EVL: variants seen among roughly 807,000 people sequenced by gnomAD.
The protein encoded by EVL is Enah/Vasp-like.
Under a neutral mutation model 59.6 loss-of-function variants are expected in EVL, and 21 were observed. The observed-to-expected ratio is 0.35, with a 90% CI of 0.25 to 0.51. The LOEUF (loss-of-function observed/expected upper bound fraction) is 0.51. Ranked by LOEUF, EVL falls within the 20% of genes least tolerant of loss-of-function variation. EVL has a pLI of 0.97. For missense variants in EVL, 462 were observed against 546.6 expected (o/e 0.85, Z 1.54); for synonymous variants, 198 against 203.5 (o/e 0.97, Z 0.23).
intron 1 of EVL, among the ~76,000 whole-genome samples, chr14:100,078,081 C>G (rs1695929196): frequency 1.3e-5 from 2 of 152,174 alleles, no homozygotes; most frequent in Admixed American, 6.5e-5. Flanking sequence ...GCCATGCATA[C>G]AATTTTGAGG....
Position 100,028,130 on chromosome 14 carries a change from G to GT in EVL, c.5+56076dup, listed in dbSNP as rs756735010. Among the ~76,000 whole-genome samples, 868 of 99,408 alleles carry GT rather than the reference G, an allele frequency of 8.7e-3. 5 individuals carry two copies. The highest frequency in any genetic ancestry group is 0.012 in the Non-Finnish European group (598 of 49,740). 65.2% of individuals were successfully genotyped at this position (99,408 alleles called of 152,430 possible). On this transcript the variant is annotated intron_variant, in intron 1 of 13. Transcript: ENST00000402714. ...TCTACTTTTAGTTGTTTTTTTGTTT[G>GT]TTTGTTTTTTTTTTTTTTTTTGAGG...
Position 100,097,570 on chromosome 14 carries a change from C to T in EVL, c.270C>T (p.Tyr90=), listed in dbSNP as rs779902786. The T allele has an allele frequency of 3.2e-5, 51 of 1,614,086 alleles. No homozygotes were observed. Among genetic ancestry groups the T allele is most frequent in the South Asian group, 6.6e-5 (6 of 91,084 alleles). Residue 90 remains tyrosine, a synonymous_variant, in exon 3 of 14, where the codon TAC becomes TAT. Transcript: ENST00000392920. The part of the protein sequence containing the change: ...FHQWRDARQV[Y]GLNFASKEEA... ...AGTGGCGAGATGCCCGCCAGGTCTA[C>T]GGCTTAAACTTTGCAAGTAAAGAAG...
rs955957807 is a variant in EVL, at chr14:100,058,654, A to T, written c.6-26033A>T. On this transcript the variant is annotated intron_variant, in intron 1 of 13. Transcript: ENST00000402714. ...GCAGTACATGGTTATTTATAAGATC[A>T]TTTTTTTTTTCATCGGACCTGGAGA... Among the ~76,000 whole-genome samples the T allele has an allele frequency of 2.0e-5, 3 of 149,894 alleles. No individual in the cohort carries two copies. In the South Asian group the frequency reaches 6.3e-4, roughly 32 times the overall value.
At chr14:100,061,538 A>G (rs1225898632), upstream of EVL, among the ~76,000 whole-genome samples, 1 of 151,212 alleles carries the variant, frequency 6.6e-6, no homozygotes, top group African/African-American at 2.4e-5. Context: ...AAAGAGAAAT[A>G]TATGAGTAAA....
At position 100,130,164 on chromosome 14, in the gene EVL, C is replaced by T. The variant is rs985155106; in HGVS notation, c.839+480C>T. Among the ~76,000 whole-genome samples the T allele has an allele frequency of 5.9e-5, 9 of 152,166 alleles. No homozygotes were observed. The highest frequency in any genetic ancestry group is 1.9e-4 in the African/African-American group (8 of 41,450). Reference sequence around the variant, plus strand: ...AAGGGTAGGAGCCCAGAGGGCATTGCCCTGAGCGACGGAGAGAGAGTAGTT... The same window carrying T: ...AAGGGTAGGAGCCCAGAGGGCATTGTCCTGAGCGACGGAGAGAGAGTAGTT... On this transcript the variant is annotated intron_variant, in intron 7 of 13. Transcript: ENST00000392920. This position sits in a 1 kb window ranked among gnomAD's most constrained non-coding sequence, Gnocchi z 4.8.
In EVL at chr14:100,143,683, C is replaced by A; in HGVS notation, c.1220-18C>A. 1 of 1,611,436 alleles carries A rather than the reference C, an allele frequency of 6.2e-7. No homozygotes were observed. Among genetic ancestry groups the A allele is most frequent in the Non-Finnish European group, 8.5e-7 (1 of 1,179,846 alleles). On this transcript the variant is annotated intron_variant, in intron 13 of 13. Transcript: ENST00000392920. ...ACTGGTCATGGCTGCACCTGAGCCG[C>A]CGCCACCTGTCCCGCAGCCATCAGG...
chr14:100,097,811 A>G, intron 3 of EVL, 153 bp downstream of exon 3: 1 of 609,186 alleles, frequency 1.6e-6, no homozygotes, highest in East Asian at 2.9e-5. Flanking sequence ...CTGCCTTTAG[A>G]TTTAGAGATA....
chr14:99,991,390 C>A (rs753928548), intron 1 of EVL, among the ~76,000 whole-genome samples: 6 of 152,156 alleles, frequency 3.9e-5, no homozygotes, highest in Admixed American at 1.3e-4. Context: ...GGAGTTATTT[C>A]TAAACAAAGT....
chr14:100,132,854 A>G, intron 8 of EVL, 75 bp downstream of exon 8: 1 of 1,545,070 alleles, frequency 6.5e-7, no homozygotes, highest in Non-Finnish European at 8.9e-7. Flanking sequence ...CTCTGGTCTC[A>G]GGCGAGGCCT....
chr14:100,001,481 T>C (rs1003156296), intron 1 of EVL, among the ~76,000 whole-genome samples: 1 of 152,240 alleles, frequency 6.6e-6, no homozygotes, highest in Non-Finnish European at 1.5e-5. Flanking sequence ...ATGGTAGGAC[T>C]GATTTGCTTT....
chr14:100,113,559 G>A (rs112286778), intron 3 of EVL, among the ~76,000 whole-genome samples: 2,780 of 152,228 alleles, frequency 0.018, 85 homozygotes, highest in African/African-American at 0.064. Flanking sequence ...CTCATCGTGT[G>A]GGGGAAGGAT....
intron 2 of EVL, among the ~76,000 whole-genome samples, chr14:100,088,481 C>T (rs779331484): frequency 6.6e-6 from 1 of 152,148 alleles, no homozygotes; most frequent in Non-Finnish European, 1.5e-5. Context: ...CAGCCTACTA[C>T]ACACCTAGGC....
rs1566702802 is a variant in EVL, at chr14:100,109,453, CGAGGGCAGG to C, written c.358+11796_358+11804del. ...TTGTTTGTCTAGACTGTGAGCTCCTCGAGGGCAGGTGTCTGTTTCTGTGTCTCGGGAGCC... is the reference window on the plus strand; with the variant it reads ...TTGTTTGTCTAGACTGTGAGCTCCTCTGTCTGTTTCTGTGTCTCGGGAGCC... On this transcript the variant is annotated intron_variant, in intron 3 of 13. Transcript: ENST00000392920. This position sits in a 1 kb window ranked among gnomAD's most constrained non-coding sequence, Gnocchi z 4.3. 2.5e-6 allele frequency: 1 copy of C among 396,916 alleles called. No homozygotes were observed. Among genetic ancestry groups the C allele is most frequent in the East Asian group, 7.2e-5 (1 of 13,880 alleles). The allele number at this position is 396,916 out of a possible 1,614,324, so 24.6% of individuals were successfully genotyped here. A position where few individuals can be genotyped will look rare whatever the true frequency, so the allele number is the denominator to read the frequency against.
intron 2 of EVL, chr14:100,097,151 C>T (rs962477166): frequency 2.9e-5 from 6 of 204,678 alleles, no homozygotes; most frequent in Non-Finnish European, 5.9e-5. Context: ...AGAAACTGAG[C>T]CCCAGCAAAG....
At chr14:100,105,847 A>G (rs754070335) in intron 3 of EVL, among the ~76,000 whole-genome samples, 4 of 152,040 alleles carry the variant, frequency 2.6e-5, no homozygotes, top group East Asian at 1.9e-4. Context: ...CCACATCCCA[A>G]CTGAATAGGG....
At chr14:100,126,663 C>T in intron 4 of EVL, 44 bp from the exon 5 acceptor site, 1 of 1,609,128 alleles carries the variant, frequency 6.2e-7, no homozygotes, top group Non-Finnish European at 8.5e-7. Context: ...GTGGTGGTCT[C>T]CAGAGTGGAG....
At chr14:99,996,080 C>A (rs530467962) in intron 1 of EVL, among the ~76,000 whole-genome samples, 2 of 152,288 alleles carry the variant, frequency 1.3e-5, no homozygotes, top group East Asian at 3.9e-4. Flanking sequence ...CCCCCTCCCC[C>A]ACCACCCCAT....
chr14:100,122,050 A>G (rs1887731630), intron 3 of EVL, among the ~76,000 whole-genome samples: 2 of 152,344 alleles, frequency 1.3e-5, no homozygotes, highest in Middle Eastern at 3.4e-3. Context: ...GCCTGTGCCA[A>G]GCTCACAGCA....
intron 1 of EVL, among the ~76,000 whole-genome samples, chr14:100,027,250 G>A (rs903662053): frequency 1.3e-5 from 2 of 152,112 alleles, no homozygotes; most frequent in Non-Finnish European, 2.9e-5. Context: ...TTTGTGTTAG[G>A]AAAATTCCAA....
Sources: allele counts gnomAD v4.1 joint callset (sites outside exome capture counted in the v4.1 genomes callset), GRCh38; gene constraint gnomAD v4.1.1; non-coding constraint Gnocchi (gnomAD v3.1); transcripts MANE v1.5; gene names NCBI Gene and HGNC (gene_info 2026-07-23, HGNC 2026-07-21).